DACH2: variants seen among roughly 807,000 people sequenced by gnomAD.
DACH2 encodes the protein dachshund family transcription factor 2, also known as dachshund homolog 2.
DACH2 carries 17 observed loss-of-function variants against 35.8 expected under a neutral mutation model. That is an observed-to-expected ratio of 0.48 (90% CI 0.33 to 0.71). The LOEUF (loss-of-function observed/expected upper bound fraction) is 0.71, where lower values mean the gene tolerates loss of function less well. Among genes scored for constraint, DACH2 ranks in the 30% least tolerant of loss-of-function variants. The probability of loss-of-function intolerance (pLI) is 0.02; values close to 1 mark genes in which losing one functional copy is unlikely to be tolerated. For missense variants in DACH2, 469 were observed against 472.7 expected, an observed-to-expected ratio of 0.99 and a Z score of 0.07; for synonymous variants, 195 against 177.3, an observed-to-expected ratio of 1.10 and a Z score of -0.79.
intron 1 of DACH2, among the ~76,000 whole-genome samples, chrX:86,300,486 C>T (rs576201593): frequency 5.2e-4 from 54 of 103,999 alleles, no homozygotes; most frequent in African/African-American, 9.2e-4. Context: ...ACAATGAGAA[C>T]GCATGGACAC....
intron 1 of DACH2, among the ~76,000 whole-genome samples, chrX:86,294,059 A>G (rs1250766501): frequency 8.9e-6 from 1 of 111,771 alleles, no homozygotes; most frequent in Non-Finnish European, 1.9e-5. Flanking sequence ...TTTCAGGTAC[A>G]CCAATCAGAT....
chrX:86,795,948 C>T (rs960553916), intron 7 of DACH2, among the ~76,000 whole-genome samples: 4 of 110,432 alleles, frequency 3.6e-5, no homozygotes, highest in Admixed American at 9.6e-5. Flanking sequence ...AAAGGTAGTG[C>T]GGACCCAAAG....
chrX:86,636,073 G>A (rs2040262034), intron 3 of DACH2, among the ~76,000 whole-genome samples: 1 of 111,507 alleles, frequency 9.0e-6, no homozygotes. Context: ...AATAGCCAAA[G>A]CAATTTTAAG....
At chrX:86,747,923 C>A (rs959651203) in intron 7 of DACH2, among the ~76,000 whole-genome samples, 3 of 112,219 alleles carry the variant, frequency 2.7e-5, no homozygotes, top group Admixed American at 1.9e-4. Context: ...CTTTTACCAA[C>A]TAACTTTATG....
At chrX:86,397,977 C>T (rs1416731655) in intron 2 of DACH2, among the ~76,000 whole-genome samples, 1 of 111,792 alleles carries the variant, frequency 8.9e-6, no homozygotes, top group African/African-American at 3.3e-5. Flanking sequence ...ACCAGCTCCT[C>T]CTTTTACCTC....
intron 4 of DACH2, among the ~76,000 whole-genome samples, chrX:86,682,018 A>G (rs1209823777): frequency 1.8e-5 from 2 of 111,104 alleles, no homozygotes; most frequent in Non-Finnish European, 3.8e-5. Context: ...GACTCATATC[A>G]TTTATATTTT....
At chrX:86,671,075 C>A (rs912800321) in intron 4 of DACH2, among the ~76,000 whole-genome samples, 4 of 111,966 alleles carry the variant, frequency 3.6e-5, no homozygotes, top group African/African-American at 6.5e-5. Flanking sequence ...AGTAACATAA[C>A]AATTGAATCA....
At chrX:86,499,657 A>G (rs1033790316) in intron 2 of DACH2, among the ~76,000 whole-genome samples, 1 of 111,703 alleles carries the variant, frequency 9.0e-6, no homozygotes, top group Non-Finnish European at 1.9e-5. Context: ...TTTAGTACAT[A>G]GACGTGTTTT....
At chrX:86,427,589 T>A (rs1040870175) in intron 2 of DACH2, among the ~76,000 whole-genome samples, 3 of 111,447 alleles carry the variant, frequency 2.7e-5, no homozygotes, top group African/African-American at 9.7e-5. Flanking sequence ...TGCTCTAAAC[T>A]TTAGGTATTC....
intron 1 of DACH2, among the ~76,000 whole-genome samples, chrX:86,283,940 G>T (rs1043396615): frequency 1.7e-4 from 19 of 110,272 alleles, no homozygotes; most frequent in Non-Finnish European, 3.0e-4. Flanking sequence ...GCTGACTTTT[G>T]TGCATTGATT....
chrX:86,739,886 A>G lies in DACH2; in HGVS notation c.1240+4A>G. The stretch of plus-strand genomic sequence containing the variant: ...GATCATCATTTGGAAAGAATGGGTG[A>G]GTAACTTTTCTGAAACAGGTAATTG... On this transcript the variant is annotated splice_donor_region_variant and intron_variant, in intron 7 of 11. Transcript: ENST00000373125. The G allele has an allele frequency of 1.7e-6, 2 of 1,182,237 alleles. No individual in the cohort carries two copies. Among genetic ancestry groups the G allele is most frequent in the African/African-American group, 3.5e-5 (2 of 56,649 alleles).
intron 1 of DACH2, among the ~76,000 whole-genome samples, chrX:86,315,820 CACACACACACACACACACACAG>C (rs1186923909): frequency 1.0e-5 from 1 of 99,004 alleles, no homozygotes; most frequent in African/African-American, 4.0e-5. Flanking sequence ...CACACACACA[CACACACACACACACACACACAG>C]AGAGAGAGAG....
chrX:86,589,997 G>A (rs1297460099), intron 3 of DACH2, among the ~76,000 whole-genome samples: 1 of 111,541 alleles, frequency 9.0e-6, no homozygotes, highest in Non-Finnish European at 1.9e-5. Context: ...GAACACTTAG[G>A]AAACACAGAT....
At chrX:86,372,989 T>A (rs2035910995) in intron 1 of DACH2, among the ~76,000 whole-genome samples, 1 of 111,233 alleles carries the variant, frequency 9.0e-6, no homozygotes, top group Non-Finnish European at 1.9e-5. Flanking sequence ...TCCATGTTGC[T>A]GCAAAGGACA....
intron 1 of DACH2, among the ~76,000 whole-genome samples, chrX:86,361,082 G>T (rs2148081640): frequency 9.0e-6 from 1 of 111,086 alleles, no homozygotes; most frequent in African/African-American, 3.3e-5. Context: ...ACTGCATCTG[G>T]CAATCTGCTA....
intron 6 of DACH2, among the ~76,000 whole-genome samples, chrX:86,733,728 C>T (rs768438335): frequency 6.3e-5 from 7 of 111,017 alleles, no homozygotes; most frequent in Non-Finnish European, 1.3e-4. Context: ...GGCAGTTTAC[C>T]AACACCATCT....
chrX:86,568,490 T>C (rs757003138), intron 3 of DACH2, among the ~76,000 whole-genome samples: 2 of 111,279 alleles, frequency 1.8e-5, no homozygotes, highest in Non-Finnish European at 3.8e-5. Flanking sequence ...AAGAAGTCAA[T>C]TTGCTATTAA....
At chrX:86,667,125 G>A (rs1004052849) in intron 4 of DACH2, among the ~76,000 whole-genome samples, 3 of 101,849 alleles carry the variant, frequency 2.9e-5, no homozygotes, top group African/African-American at 1.1e-4. Flanking sequence ...GCGTGGTGGT[G>A]CACACCTGTA....
chrX:86,575,741 A>G (rs2039428296), intron 3 of DACH2, among the ~76,000 whole-genome samples: 1 of 111,958 alleles, frequency 8.9e-6, no homozygotes, highest in African/African-American at 3.2e-5. Context: ...TTACAGTGTG[A>G]CATGGTCAGT....
Sources: allele counts gnomAD v4.1 joint callset (sites outside exome capture counted in the v4.1 genomes callset), GRCh38; gene constraint gnomAD v4.1.1; transcripts MANE v1.5; gene names NCBI Gene and HGNC (gene_info 2026-07-23, HGNC 2026-07-21).